Variants in PPARGC1A observed in about 807,000 individuals in gnomAD.
The protein encoded by PPARGC1A is PPARG coactivator 1 alpha.
Under a neutral mutation model 88.7 loss-of-function variants are expected in PPARGC1A, and 25 were observed. The observed-to-expected ratio is 0.28, with a 90% CI of 0.21 to 0.39. The LOEUF (loss-of-function observed/expected upper bound fraction) is 0.39, where lower values mean the gene tolerates loss of function less well. Ranked by LOEUF, PPARGC1A falls within the 10% of genes least tolerant of loss-of-function variation. The probability of loss-of-function intolerance (pLI) is 1.00; values close to 1 mark genes in which losing one functional copy is unlikely to be tolerated. For synonymous variants in PPARGC1A, 363 were observed against 355.6 expected (o/e 1.02, Z -0.24); for missense variants, 880 against 968.7 (o/e 0.91, Z 1.22).
chr4:23,899,003 T>A (rs1718958531), intron 1 of PPARGC1A, among the ~76,000 whole-genome samples: 1 of 146,982 alleles, frequency 6.8e-6, no homozygotes, highest in Non-Finnish European at 1.5e-5. Flanking sequence ...GCCCGGCTAA[T>A]TTTTTTTTTT....
At chr4:24,449,741 A>C in the PPARGC1A span, among the ~76,000 whole-genome samples, 1 of 152,326 alleles carries the variant, frequency 6.6e-6, no homozygotes, top group South Asian at 2.1e-4. Flanking sequence ...AATAGTCATC[A>C]TGTGATTTTG....
intron 2 of PPARGC1A, among the ~76,000 whole-genome samples, chr4:23,858,862 T>A (rs141104910): frequency 1.7e-3 from 260 of 151,542 alleles, no homozygotes; most frequent in African/African-American, 5.9e-3. Context: ...TTTTATGGAC[T>A]GGCTGAGTTG....
At chr4:24,446,200 G>A in the PPARGC1A span, among the ~76,000 whole-genome samples, 9 of 152,274 alleles carry the variant, frequency 5.9e-5, no homozygotes, top group African/African-American at 1.9e-4. Flanking sequence ...TAAGAAGGAC[G>A]GTTGAATTTC....
At chr4:23,984,344 T>C in the PPARGC1A span, among the ~76,000 whole-genome samples, 1 of 152,098 alleles carries the variant, frequency 6.6e-6, no homozygotes, top group Non-Finnish European at 1.5e-5. Flanking sequence ...AATTATTCAA[T>C]TAATGTCACT....
chr4:24,139,711 A>G, the PPARGC1A span, among the ~76,000 whole-genome samples: 1 of 152,048 alleles, frequency 6.6e-6, no homozygotes, highest in Non-Finnish European at 1.5e-5. Context: ...GTGCCCTTGT[A>G]TGAGGGTACA....
the PPARGC1A span, among the ~76,000 whole-genome samples, chr4:24,425,754 A>G: frequency 1.3e-5 from 2 of 152,230 alleles, no homozygotes; most frequent in Non-Finnish European, 2.9e-5. Context: ...GGGCTGAATA[A>G]AATCATTCAT....
chr4:23,975,627 A>G, the PPARGC1A span, among the ~76,000 whole-genome samples: 1 of 152,178 alleles, frequency 6.6e-6, no homozygotes, highest in Non-Finnish European at 1.5e-5. Context: ...GATGTTGGCC[A>G]GGCTGGTCTT....
the PPARGC1A span, among the ~76,000 whole-genome samples, chr4:24,380,980 T>TAA: frequency 3.1e-3 from 422 of 134,494 alleles, 2 homozygotes; most frequent in African/African-American, 0.011. Flanking sequence ...CTGTGTGATT[T>TAA]AAAAAAAAAA....
chr4:24,457,631 C>T, the PPARGC1A span, among the ~76,000 whole-genome samples: 40 of 152,206 alleles, frequency 2.6e-4, no homozygotes, highest in African/African-American at 8.9e-4. Context: ...CTGCAACCTC[C>T]GCTCCCAGGT....
chr4:24,122,428 TATATATATAGAGAG>T, the PPARGC1A span, among the ~76,000 whole-genome samples: 1 of 141,746 alleles, frequency 7.1e-6, no homozygotes, highest in African/African-American at 2.7e-5. Context: ...TATATATATA[TATATATATAGAGAG>T]AGAGAGAGAG....
chr4:24,326,423 C>T, the PPARGC1A span, among the ~76,000 whole-genome samples: 23,227 of 151,506 alleles, frequency 0.15, 1,575 homozygotes, highest in African/African-American at 0.19. Context: ...ATCCTCAATA[C>T]CTCCCTCCAC....
chr4:24,281,220 A>C, the PPARGC1A span, among the ~76,000 whole-genome samples: 1 of 152,218 alleles, frequency 6.6e-6, no homozygotes, highest in Non-Finnish European at 1.5e-5. Context: ...TACCCGTCTT[A>C]GTCTGTTTTG....
intron 5 of PPARGC1A, among the ~76,000 whole-genome samples, chr4:23,824,712 C>T (rs1314467685): frequency 1.3e-5 from 2 of 152,094 alleles, no homozygotes; most frequent in South Asian, 2.1e-4. Flanking sequence ...AACTACCATT[C>T]GAAAACACAT....
At chr4:24,278,677 G>A in the PPARGC1A span, among the ~76,000 whole-genome samples, 2 of 152,096 alleles carry the variant, frequency 1.3e-5, no homozygotes, top group South Asian at 2.1e-4. Flanking sequence ...CTTTCTTCTC[G>A]TGGCTCCAAG....
chr4:24,293,033 A>C, the PPARGC1A span, among the ~76,000 whole-genome samples: 1 of 1,268 alleles, frequency 7.9e-4, no homozygotes, highest in Non-Finnish European at 1.7e-3. Flanking sequence ...CTACCCCCTC[A>C]CCCCCACTCC....
At chr4:23,943,672 C>T in the PPARGC1A span, among the ~76,000 whole-genome samples, 1 of 152,154 alleles carries the variant, frequency 6.6e-6, no homozygotes, top group East Asian at 1.9e-4. Flanking sequence ...TGACCTATTT[C>T]TAAAAGTACC....
chr4:23,840,704 G>A (rs930896723), intron 2 of PPARGC1A, among the ~76,000 whole-genome samples: 1 of 152,138 alleles, frequency 6.6e-6, no homozygotes, highest in Non-Finnish European at 1.5e-5. Flanking sequence ...GTATATAGGA[G>A]AGGCTTAACT....
the PPARGC1A span, among the ~76,000 whole-genome samples, chr4:24,097,860 A>G: frequency 6.6e-6 from 1 of 152,150 alleles, no homozygotes; most frequent in Non-Finnish European, 1.5e-5. Context: ...TTTATGGCCA[A>G]TTGAACACCT....
intron 2 of PPARGC1A, among the ~76,000 whole-genome samples, chr4:23,861,739 C>T (rs895405216): frequency 6.6e-6 from 1 of 152,094 alleles, no homozygotes; most frequent in African/African-American, 2.4e-5. Context: ...TTGCTGCCCA[C>T]TAAAGGAAGG....
Sources: gnomAD v4.1 joint callset for allele counts (sites outside exome capture counted in the v4.1 genomes callset) on GRCh38, gnomAD v4.1.1 for gene constraint, MANE v1.5 for transcripts, NCBI Gene and HGNC (gene_info 2026-07-23, HGNC 2026-07-21) for gene names.